RPGRIP1L: variants seen among roughly 807,000 people sequenced by gnomAD.
RPGRIP1L encodes RPGRIP1 like.
A neutral mutation model predicts 160.4 loss-of-function variants in RPGRIP1L; 131 were observed. The ratio of observed to expected loss-of-function variants is 0.82; its 90% CI spans 0.71 to 0.94. RPGRIP1L has a LOEUF of 0.94. RPGRIP1L is among the 40% of genes least tolerant of loss of function. The pLI, the probability that RPGRIP1L is intolerant of heterozygous loss-of-function variation, is 0.00. For synonymous variants in RPGRIP1L, 510 were observed against 515.8 expected, an observed-to-expected ratio of 0.99 and a Z score of 0.15; for missense variants, 1,522 against 1,535.8, an observed-to-expected ratio of 0.99 and a Z score of 0.15.
At chr16:53,686,971 T>C (rs973196107) in intron 5 of RPGRIP1L, among the ~76,000 whole-genome samples, 6 of 152,138 alleles carry the variant, frequency 3.9e-5, no homozygotes, top group Non-Finnish European at 8.8e-5. Flanking sequence ...GCAGGAAATT[T>C]GCCAAATATA....
intron 24 of RPGRIP1L, among the ~76,000 whole-genome samples, chr16:53,612,167 G>A (rs1184704423): frequency 6.6e-6 from 1 of 152,168 alleles, no homozygotes; most frequent in African/African-American, 2.4e-5. Flanking sequence ...GAGACATAAA[G>A]GTACCGGTAT....
chr16:53,615,841 TCCACCTCAG>T (rs1964344728), intron 24 of RPGRIP1L, among the ~76,000 whole-genome samples: 1 of 151,366 alleles, frequency 6.6e-6, no homozygotes, highest in South Asian at 2.1e-4. Flanking sequence ...TCAGGATCTG[TCCACCTCAG>T]CCTCCCAAAG....
At chr16:53,659,965 G>A (rs1967633935) in intron 10 of RPGRIP1L, 1 of 152,124 alleles carries the variant, frequency 6.6e-6, no homozygotes, top group Admixed American at 6.6e-5. Flanking sequence ...CTAGTGCTAA[G>A]AAATGGAATA....
At chr16:53,632,921 T>C (rs547396744) in intron 22 of RPGRIP1L, among the ~76,000 whole-genome samples, 2 of 152,268 alleles carry the variant, frequency 1.3e-5, no homozygotes, top group Admixed American at 6.5e-5. Context: ...CCCCATGCAT[T>C]CCATTCTCCT....
In RPGRIP1L at chr16:53,666,322, T is replaced by C. The variant is rs544538005; in HGVS notation, c.1104-1313A>G. Among the ~76,000 whole-genome samples, 15 of 152,268 alleles carry C rather than the reference T, an allele frequency of 9.9e-5. No individual in the cohort carries two copies. The South Asian group carries it at 2.9e-3, about 29-fold the overall frequency. On this transcript the variant is annotated intron_variant, in intron 9 of 26. Coordinates refer to ENST00000647211, the MANE Select transcript of RPGRIP1L (RefSeq NM_015272.5). ...ATGACATCTGTTTCTTCTATTAGTG[T>C]TCTCATTTCACTTATGGAAACTTAA...
intron 22 of RPGRIP1L, among the ~76,000 whole-genome samples, chr16:53,623,761 A>G (rs1964892831): frequency 6.6e-6 from 1 of 152,240 alleles, no homozygotes; most frequent in South Asian, 2.1e-4. Context: ...GCCTCTGTCT[A>G]TAGACTCTGG....
In RPGRIP1L at chr16:53,656,469, T is replaced by C. The variant is rs1483143955; in HGVS notation, c.1699+3A>G. The C allele has an allele frequency of 1.3e-6, 2 of 1,582,486 alleles. No homozygotes were observed. Among genetic ancestry groups the C allele is most frequent in the South Asian group, 1.1e-5 (1 of 90,456 alleles). ...GTGGACCAAAAAATCGTATATGTTGTACCTTCTAGTTTATGGATACGTGCA... is the reference window on the plus strand; with the variant it reads ...GTGGACCAAAAAATCGTATATGTTGCACCTTCTAGTTTATGGATACGTGCA... On this transcript the variant is annotated splice_donor_region_variant and intron_variant, in intron 14 of 26. Coordinates refer to ENST00000647211, the MANE Select transcript of RPGRIP1L (RefSeq NM_015272.5).
At chr16:53,688,086 T>C (rs1056218938) in intron 4 of RPGRIP1L, 121 bp from the exon 5 acceptor site, 68 of 672,964 alleles carry the variant, frequency 1.0e-4, no homozygotes, top group Non-Finnish European at 1.6e-4. Context: ...ATGTGTTTTA[T>C]AGTACACAGA....
chr16:53,655,019 ACT>A (rs1967128242), intron 14 of RPGRIP1L, among the ~76,000 whole-genome samples: 1 of 152,196 alleles, frequency 6.6e-6, no homozygotes, highest in Non-Finnish European at 1.5e-5. Context: ...TGAGGTCACA[ACT>A]ATTTTTATAA....
At chr16:53,682,329 C>T (rs1227425651) in intron 6 of RPGRIP1L, among the ~76,000 whole-genome samples, 1 of 152,136 alleles carries the variant, frequency 6.6e-6, no homozygotes, top group Admixed American at 6.5e-5. Context: ...TAGACTGCTA[C>T]AGAGTAAATA....
chr16:53,634,294 A>G (rs1965697851), intron 22 of RPGRIP1L, among the ~76,000 whole-genome samples: 2 of 152,164 alleles, frequency 1.3e-5, no homozygotes, highest in South Asian at 4.1e-4. Context: ...TGCATTGGGG[A>G]TTAAGTTTCA....
chr16:53,629,191 T>C (rs959354406), intron 22 of RPGRIP1L, among the ~76,000 whole-genome samples: 4 of 152,152 alleles, frequency 2.6e-5, no homozygotes, highest in African/African-American at 7.2e-5. Context: ...CCAGGGGAGC[T>C]ATAAACAAAA....
Position 53,652,582 on chromosome 16 carries a change from T to C in RPGRIP1L, c.2105A>G (p.Glu702Gly), listed in dbSNP as rs193282093. The C allele has an allele frequency of 1.4e-5, 23 of 1,614,146 alleles. No individual in the cohort carries two copies. The African/African-American group carries it at 2.7e-4, about 19-fold the overall frequency. The change falls in exon 15 of 27, where the codon GAA becomes GGA. Residue 702 changes from glutamate to glycine, a missense_variant. Glu to Gly is a moderately conservative substitution (Grantham distance 98, BLOSUM62 -2). Coordinates refer to ENST00000647211, the MANE Select transcript of RPGRIP1L (RefSeq NM_015272.5). ...TIAACQLKFH[E>G]ILEKSGRIFC... ...TATTCGGCCGCTTTTTTCAAGAATT[T>C]CGTGAAATTTTAATTGACATGCTGC... is the stretch of plus-strand genomic sequence containing the variant.
At position 53,703,831 on chromosome 16, in the gene RPGRIP1L, G is replaced by C. The variant is rs1357679532; in HGVS notation, c.-36C>G. 2 of 443,976 alleles carry C rather than the reference G, an allele frequency of 4.5e-6. No individual in the cohort carries two copies. Among genetic ancestry groups the C allele is most frequent in the Non-Finnish European group, 8.4e-6 (2 of 238,646 alleles). The allele number at this position is 443,976 out of a possible 1,614,324, so 27.5% of individuals were successfully genotyped here. A position where few individuals can be genotyped will look rare whatever the true frequency, so the allele number is the denominator to read the frequency against. The stretch of plus-strand genomic sequence containing the variant: ...GCCACTGGCCCTGCAGCTAGCTACC[G>C]TTGCTATAGCGCCGACAGCGTGGCG... On this transcript the variant is annotated 5_prime_UTR_variant, in exon 1 of 27. Transcript: ENST00000647211.
intron 14 of RPGRIP1L, chr16:53,655,408 G>A (rs745725810): frequency 2.0e-5 from 3 of 151,496 alleles, no homozygotes; most frequent in Non-Finnish European, 4.4e-5. Flanking sequence ...AGGCCTTCTC[G>A]AACCTCAATA....
Position 53,601,367 on chromosome 16 carries a change from G to A in RPGRIP1L, c.*709C>T, listed in dbSNP as rs1963371512. The A allele has an allele frequency of 6.6e-6, 1 of 152,340 alleles. No homozygotes were observed. Among genetic ancestry groups the A allele is most frequent in the South Asian group, 2.1e-4 (1 of 4,806 alleles). The allele number at this position is 152,340 out of a possible 1,614,324, so 9.4% of individuals were successfully genotyped here. On this transcript the variant is annotated 3_prime_UTR_variant, in exon 27 of 27. Coordinates refer to ENST00000647211, the MANE Select transcript of RPGRIP1L (RefSeq NM_015272.5). The stretch of plus-strand genomic sequence containing the variant: ...ATCTCCTTTTTATATATACATCCCT[G>A]GGTCACCATTACAAATGTATGAAAA...
intron 19 of RPGRIP1L, 145 bp downstream of exon 19, chr16:53,640,888 G>A (rs1426596530): frequency 1.2e-5 from 9 of 720,270 alleles, no homozygotes; most frequent in South Asian, 3.2e-5. Flanking sequence ...ATATAGTGCC[G>A]AAACACAAAG....
At chr16:53,610,730 T>C (rs887134197) in intron 25 of RPGRIP1L, among the ~76,000 whole-genome samples, 14 of 152,224 alleles carry the variant, frequency 9.2e-5, no homozygotes, top group Admixed American at 9.2e-4. Flanking sequence ...TGTTGTCCAG[T>C]CTTTGGTGTT....
In RPGRIP1L at chr16:53,673,023, G is replaced by T. The variant is rs372349467; in HGVS notation, c.883-7C>A. The T allele has an allele frequency of 3.2e-5, 51 of 1,610,490 alleles. No individual in the cohort carries two copies. Among genetic ancestry groups the T allele is most frequent in the Non-Finnish European group, 4.3e-5 (51 of 1,178,212 alleles). ...TTCTGAGAGTTCTTTGCTTCTAAAA[G>T]ATAAAAAGAACATCTTTCAAACATT... On this transcript the variant is annotated splice_region_variant and splice_polypyrimidine_tract_variant and intron_variant, in intron 7 of 26. Coordinates refer to ENST00000647211, the MANE Select transcript of RPGRIP1L (RefSeq NM_015272.5).
Sources: allele counts gnomAD v4.1 joint callset (sites outside exome capture counted in the v4.1 genomes callset), GRCh38; gene constraint gnomAD v4.1.1; transcripts MANE v1.5; gene names NCBI Gene and HGNC (gene_info 2026-07-23, HGNC 2026-07-21).